Variants in ACOT1 observed in about 807,000 individuals in gnomAD.
The protein encoded by ACOT1 is acyl-coenzyme A thioesterase 1.
A neutral mutation model predicts 15.7 loss-of-function variants in ACOT1; 8 were observed. That is an observed-to-expected ratio of 0.51 (90% CI 0.30 to 0.92). The LOEUF is 0.92. Among genes scored for constraint, ACOT1 ranks in the 40% least tolerant of loss-of-function variants. The pLI, the probability that ACOT1 is intolerant of heterozygous loss-of-function variation, is 0.06. For missense variants in ACOT1, 151 were observed against 539.4 expected, an observed-to-expected ratio of 0.28 and a Z score of 7.13; for synonymous variants, 67 against 241.2, an observed-to-expected ratio of 0.28 and a Z score of 6.69.
the ACOT1 span, among the ~76,000 whole-genome samples, chr14:73,514,551 G>A: frequency 6.6e-6 from 1 of 152,096 alleles, no homozygotes; most frequent in African/African-American, 2.4e-5. Flanking sequence ...ACATAAATAT[G>A]TTTATATGTA....
At position 73,539,728 on chromosome 14, in the gene ACOT1, G is replaced by A. The variant is rs1889012194; in HGVS notation, c.458-1765G>A. 1.7e-5 allele frequency: 2 copies of A among 118,972 alleles called. 1 individual carries two copies. Among genetic ancestry groups the A allele is most frequent in the Non-Finnish European group, 3.7e-5 (2 of 54,334 alleles). The allele number at this position is 118,972 out of a possible 1,614,324, so 7.4% of individuals were successfully genotyped here. A position where few individuals can be genotyped will look rare whatever the true frequency, so the allele number is the denominator to read the frequency against. Reference sequence around the variant, plus strand: ...GCTGAAGCCCCACAGGATGCCGTCTGGAAGCTGCCAGCACGCGGTCCCTGT... The same window carrying A: ...GCTGAAGCCCCACAGGATGCCGTCTAGAAGCTGCCAGCACGCGGTCCCTGT... On this transcript the variant is annotated intron_variant, in intron 1 of 2. Coordinates refer to ENST00000311148, the MANE Select transcript of ACOT1 (RefSeq NM_001037161.2).
chr14:73,508,828 T>C, the ACOT1 span, among the ~76,000 whole-genome samples: 1 of 151,384 alleles, frequency 6.6e-6, no homozygotes, highest in African/African-American at 2.4e-5. Context: ...TTAAAGTACC[T>C]AGAAAGAGCA....
At chr14:73,509,933 G>T in the ACOT1 span, among the ~76,000 whole-genome samples, 1 of 146,136 alleles carries the variant, frequency 6.8e-6, no homozygotes, top group Non-Finnish European at 1.5e-5. Flanking sequence ...GAGTGCAGTG[G>T]TGTGATCTCA....
the ACOT1 span, among the ~76,000 whole-genome samples, chr14:73,505,890 CTTTT>C: frequency 8.8e-6 from 1 of 113,320 alleles, no homozygotes; most frequent in Admixed American, 1.0e-4. Flanking sequence ...ATAAACGTTT[CTTTT>C]TTTTTTTTTT....
At chr14:73,506,175 C>T in the ACOT1 span, among the ~76,000 whole-genome samples, 1 of 152,136 alleles carries the variant, frequency 6.6e-6, no homozygotes, top group Non-Finnish European at 1.5e-5. Flanking sequence ...AGATGTGAGC[C>T]ACCGCACCCG....
the ACOT1 span, chr14:73,522,779 G>A: frequency 6.2e-7 from 1 of 1,614,190 alleles, no homozygotes; most frequent in Non-Finnish European, 8.5e-7. Context: ...TAAGGGACTT[G>A]AGGAACCCAG....
the ACOT1 span, chr14:73,508,029 A>G: frequency 2.8e-6 from 3 of 1,090,862 alleles, no homozygotes; most frequent in Non-Finnish European, 4.1e-6. Flanking sequence ...TACAGGCATA[A>G]GCCACTGCCC....
At chr14:73,500,824 C>T in the ACOT1 span, 1 of 1,171,380 alleles carries the variant, frequency 8.5e-7, no homozygotes, top group Non-Finnish European at 1.2e-6. Flanking sequence ...AATCCGGGTT[C>T]TGTAGGCTGT....
the ACOT1 span, chr14:73,491,672 T>C: frequency 6.5e-7 from 1 of 1,549,858 alleles, no homozygotes; most frequent in African/African-American, 1.4e-5. Context: ...AGATCACTTT[T>C]ACCGGCGCCT....
the ACOT1 span, among the ~76,000 whole-genome samples, chr14:73,512,315 C>CT: frequency 6.6e-6 from 1 of 152,194 alleles, no homozygotes; most frequent in Non-Finnish European, 1.5e-5. Flanking sequence ...AGTTATTTCT[C>CT]TGATGATCCA....
chr14:73,494,294 C>A, the ACOT1 span, among the ~76,000 whole-genome samples: 11 of 152,186 alleles, frequency 7.2e-5, no homozygotes, highest in Admixed American at 6.6e-4. Flanking sequence ...GGCTGAGTGA[C>A]CTGAGGCTGA....
the ACOT1 span, chr14:73,490,996 G>T: frequency 2.2e-6 from 3 of 1,359,284 alleles, no homozygotes; most frequent in South Asian, 5.9e-5. Context: ...GGCCGGGCGG[G>T]GAAGACTGGT....
At chr14:73,533,881 T>A (rs1366554008), upstream of ACOT1, among the ~76,000 whole-genome samples, 4 of 37,970 alleles carry the variant, frequency 1.1e-4, no homozygotes, top group East Asian at 5.1e-3. Flanking sequence ...ACCCTGTCTC[T>A]AAAAAAAAAA....
At chr14:73,513,942 A>T in the ACOT1 span, 19 of 1,329,586 alleles carry the variant, frequency 1.4e-5, no homozygotes, top group Non-Finnish European at 2.1e-5. Context: ...CAAAGGAGGG[A>T]TGGATTTTTC....
chr14:73,492,583 T>G, the ACOT1 span: 2 of 1,613,906 alleles, frequency 1.2e-6, no homozygotes, highest in Non-Finnish European at 1.7e-6. This position sits in a 1 kb window ranked among gnomAD's most constrained non-coding sequence, Gnocchi z 4.9. Context: ...GGGCACTAAG[T>G]GTTTACGGGC....
At chr14:73,509,472 G>A in the ACOT1 span, 15 of 1,613,764 alleles carry the variant, frequency 9.3e-6, no homozygotes, top group Non-Finnish European at 1.2e-5. Flanking sequence ...GGATGGTCTT[G>A]TCTGTGATCA....
the ACOT1 span, chr14:73,495,153 G>T: frequency 7.3e-7 from 1 of 1,362,646 alleles, no homozygotes; most frequent in Non-Finnish European, 1.0e-6. Context: ...TTGCTACTAA[G>T]TCCCAAAACA....
At position 73,542,988 on chromosome 14, in the gene ACOT1, A is replaced by G; in HGVS notation, c.661-62A>G. 1.6e-6 allele frequency: 2 copies of G among 1,234,368 alleles called. 1 individual carries two copies. Among genetic ancestry groups the G allele is most frequent in the Non-Finnish European group, 2.2e-6 (2 of 929,382 alleles). The allele number at this position is 1,234,368 out of a possible 1,614,324, so 76.5% of individuals were successfully genotyped here. On this transcript the variant is annotated intron_variant, in intron 2 of 2. Transcript: ENST00000311148. ...TCAACTAACTTCCAGGGTGGGCACA[A>G]CTCACCATATTCCACTGTTTGTGGA...
chr14:73,527,982 AAAAG>A, the ACOT1 span, among the ~76,000 whole-genome samples: 4 of 151,428 alleles, frequency 2.6e-5, no homozygotes, highest in Admixed American at 6.6e-5. Context: ...AAAAAAAAAA[AAAAG>A]GAGTGATTTA....
Sources: gnomAD v4.1 joint callset for allele counts (sites outside exome capture counted in the v4.1 genomes callset) on GRCh38, gnomAD v4.1.1 for gene constraint, Gnocchi (gnomAD v3.1) non-coding constraint, MANE v1.5 for transcripts, NCBI Gene and HGNC (gene_info 2026-07-23, HGNC 2026-07-21) for gene names.